Variants in PHEX observed in about 807,000 individuals in gnomAD.
The protein encoded by PHEX is phosphate-regulating neutral endopeptidase PHEX.
In PHEX, 16 loss-of-function variants were observed where a neutral mutation model predicts 68.0. The observed-to-expected ratio is 0.24, with a 90% CI of 0.16 to 0.36. The LOEUF is 0.36. Ranked by LOEUF, PHEX falls within the 10% of genes least tolerant of loss-of-function variation. The pLI is 1.00. For synonymous variants in PHEX, 208 were observed against 205.1 expected (o/e 1.01, Z -0.12); for missense variants, 480 against 575.5 (o/e 0.83, Z 1.70).
intron 5 of PHEX, among the ~76,000 whole-genome samples, chrX:22,080,055 A>C (rs990544121): frequency 4.5e-5 from 5 of 111,635 alleles, no homozygotes; most frequent in Non-Finnish European, 9.4e-5. Context: ...TGGTATCAGT[A>C]GGAAGTGCAC....
At chrX:22,149,627 G>T (rs780395363) in intron 12 of PHEX, among the ~76,000 whole-genome samples, 7 of 112,432 alleles carry the variant, frequency 6.2e-5, no homozygotes, top group African/African-American at 2.3e-4. Flanking sequence ...GGTGGTGCCT[G>T]CCTGTAATTC....
chrX:22,051,551 G>A (rs1228034104), intron 3 of PHEX, among the ~76,000 whole-genome samples: 3 of 111,279 alleles, frequency 2.7e-5, no homozygotes, highest in Admixed American at 9.6e-5. Flanking sequence ...AAAAACAACC[G>A]CATAAAATAT....
chrX:22,188,868 T>C (rs5904617), intron 14 of PHEX, among the ~76,000 whole-genome samples: 25,892 of 111,241 alleles, frequency 0.23, 2,424 homozygotes, highest in East Asian at 0.34. Context: ...TAACTATACA[T>C]TTTTTGTACC....
intron 15 of PHEX, among the ~76,000 whole-genome samples, chrX:22,206,804 G>A (rs988303232): frequency 9.0e-6 from 1 of 111,376 alleles, no homozygotes; most frequent in Non-Finnish European, 1.9e-5. Context: ...CTTGAGGTCT[G>A]AGCTGTGGAA....
intron 3 of PHEX, among the ~76,000 whole-genome samples, chrX:22,067,999 AT>A (rs912363473): frequency 3.2e-4 from 34 of 106,003 alleles, no homozygotes; most frequent in African/African-American, 1.0e-3. Context: ...TGCCCAGCTA[AT>A]TTTTTTTTTG....
At chrX:22,162,068 G>A (rs751132908) in intron 12 of PHEX, among the ~76,000 whole-genome samples, 4 of 112,075 alleles carry the variant, frequency 3.6e-5, no homozygotes, top group Non-Finnish European at 5.6e-5. Context: ...AAGATGGCAA[G>A]TGCTAAAAGC....
chrX:22,096,817 C>T, intron 7 of PHEX, 138 bp from the exon 8 acceptor site: 4 of 501,617 alleles, frequency 8.0e-6, no homozygotes, highest in Admixed American at 6.5e-5. Context: ...CTTTTTTTCT[C>T]TTCCCCGAGT....
chrX:22,174,120 G>T (rs1239463578), intron 13 of PHEX, among the ~76,000 whole-genome samples: 2 of 111,389 alleles, frequency 1.8e-5, no homozygotes, highest in Non-Finnish European at 3.8e-5. Context: ...TTTTATGATC[G>T]GGACAGCTGT....
intron 5 of PHEX, among the ~76,000 whole-genome samples, chrX:22,079,139 CTTAAGT>C (rs1004860515): frequency 8.9e-6 from 1 of 112,134 alleles, no homozygotes; most frequent in Non-Finnish European, 1.9e-5. Context: ...GTTTTCCAAA[CTTAAGT>C]TTAAGTTTAT....
chrX:22,197,668 T>G (rs969853684), intron 15 of PHEX, among the ~76,000 whole-genome samples: 2 of 111,428 alleles, frequency 1.8e-5, no homozygotes, highest in South Asian at 7.6e-4. Flanking sequence ...GTTTCCAAAC[T>G]CCTGACCCAG....
chrX:22,224,947 A>ACTTATCATACAGCGCTGTATGATTT (rs745975380), intron 18 of PHEX, among the ~76,000 whole-genome samples: 1 of 23,247 alleles, frequency 4.3e-5, no homozygotes, highest in Non-Finnish European at 7.9e-5. Flanking sequence ...AAATAACATA[A>ACTTATCATACAGCGCTGTATGATTT]ATTATCATAC....
chrX:22,116,843 G>A (rs930982567), intron 11 of PHEX, among the ~76,000 whole-genome samples: 1 of 110,687 alleles, frequency 9.0e-6, no homozygotes, highest in African/African-American at 3.3e-5. Flanking sequence ...GCTTTTCCTG[G>A]ATCTTGAAGC....
intron 20 of PHEX, among the ~76,000 whole-genome samples, chrX:22,233,604 C>G (rs1935849632): frequency 9.0e-6 from 1 of 111,034 alleles, no homozygotes; most frequent in South Asian, 3.8e-4. Context: ...ATCAATTCGG[C>G]TATTGATACT....
At chrX:22,080,184 T>C (rs1929327775) in intron 5 of PHEX, among the ~76,000 whole-genome samples, 1 of 111,855 alleles carries the variant, frequency 8.9e-6, no homozygotes, top group Admixed American at 9.5e-5. Context: ...TTGCCTTGTA[T>C]ACTTAATATT....
At chrX:22,175,713 A>AT (rs764192873) in intron 13 of PHEX, among the ~76,000 whole-genome samples, 1,453 of 106,637 alleles carry the variant, frequency 0.014, 15 homozygotes, top group Non-Finnish European at 0.023. Flanking sequence ...ATATCAAGGG[A>AT]TTTTTTTTTT....
intron 5 of PHEX, among the ~76,000 whole-genome samples, chrX:22,083,011 T>C (rs1929463047): frequency 9.0e-6 from 1 of 111,648 alleles, no homozygotes; most frequent in Non-Finnish European, 1.9e-5. Flanking sequence ...TACGGATACA[T>C]AGATCAATGG....
intron 13 of PHEX, among the ~76,000 whole-genome samples, chrX:22,173,511 G>A (rs1227323026): frequency 9.1e-6 from 1 of 110,310 alleles, no homozygotes; most frequent in Non-Finnish European, 1.9e-5. Context: ...TTAGGTTGGT[G>A]CAAAAGTAAT....
intron 13 of PHEX, among the ~76,000 whole-genome samples, chrX:22,168,838 A>G (rs1434417448): frequency 8.9e-6 from 1 of 112,259 alleles, no homozygotes; most frequent in African/African-American, 3.2e-5. Context: ...AATTAAATGC[A>G]TATACATACG....
chrX:22,128,278 G>T (rs898778604), intron 11 of PHEX, among the ~76,000 whole-genome samples: 1 of 109,026 alleles, frequency 9.2e-6, no homozygotes, highest in African/African-American at 3.3e-5. Context: ...GGTCAGGCTG[G>T]TCTTGAACTC....
Sources: allele counts gnomAD v4.1 joint callset (sites outside exome capture counted in the v4.1 genomes callset), GRCh38; gene constraint gnomAD v4.1.1; transcripts MANE v1.5; gene names NCBI Gene and HGNC (gene_info 2026-07-23, HGNC 2026-07-21).